Variants in SIL1 observed in about 807,000 individuals in gnomAD.
The protein encoded by SIL1 is SIL1 nucleotide exchange factor.
A neutral mutation model predicts 49.1 loss-of-function variants in SIL1; 40 were observed. The ratio of observed to expected loss-of-function variants is 0.81; its 90% CI spans 0.63 to 1.06. The LOEUF (loss-of-function observed/expected upper bound fraction) is 1.06, where lower values mean the gene tolerates loss of function less well. Among genes scored for constraint, SIL1 ranks in the 50% least tolerant of loss-of-function variants. The pLI, the probability that SIL1 is intolerant of heterozygous loss-of-function variation, is 0.00. For synonymous variants in SIL1, 253 were observed against 250.8 expected, an observed-to-expected ratio of 1.01 and a Z score of -0.08; for missense variants, 500 against 572.6, an observed-to-expected ratio of 0.87 and a Z score of 1.29.
chr5:138,985,688 G>C (rs1767635275), intron 7 of SIL1, among the ~76,000 whole-genome samples: 1 of 152,190 alleles, frequency 6.6e-6, no homozygotes, highest in African/African-American at 2.4e-5. Flanking sequence ...TCAGTTCTCT[G>C]ACTGTCGACC....
chr5:138,992,973 A>G (rs879490837), intron 7 of SIL1, among the ~76,000 whole-genome samples: 2 of 152,250 alleles, frequency 1.3e-5, no homozygotes, highest in African/African-American at 2.4e-5. Flanking sequence ...TTGTAACTGA[A>G]AGCTAGCTGA....
chr5:139,046,219 C>T (rs1234662742), intron 4 of SIL1, among the ~76,000 whole-genome samples: 5 of 152,090 alleles, frequency 3.3e-5, no homozygotes, highest in East Asian at 1.9e-4. Flanking sequence ...CCCAGCTACT[C>T]GGGAGGCTGA....
At chr5:138,960,828 C>T (rs575274516) in intron 7 of SIL1, among the ~76,000 whole-genome samples, 5 of 152,206 alleles carry the variant, frequency 3.3e-5, no homozygotes, top group Admixed American at 6.5e-5. Context: ...AAATGATTTC[C>T]TGAAACGCAG....
At chr5:139,160,143 TCACA>T (rs57028301) in intron 1 of SIL1, among the ~76,000 whole-genome samples, 6,218 of 137,772 alleles carry the variant, frequency 0.045, 273 homozygotes, top group African/African-American at 0.12. Flanking sequence ...ATTTCCACAA[TCACA>T]CACACACACA....
At chr5:139,005,525 A>G (rs1222172484) in intron 7 of SIL1, among the ~76,000 whole-genome samples, 1 of 142,180 alleles carries the variant, frequency 7.0e-6, no homozygotes, top group Non-Finnish European at 1.5e-5. Flanking sequence ...ATATGTATAC[A>G]TGTGCCATGC....
chr5:139,130,179 G>A (rs777826255), intron 1 of SIL1, among the ~76,000 whole-genome samples: 6 of 152,100 alleles, frequency 3.9e-5, no homozygotes, highest in Middle Eastern at 3.2e-3. Flanking sequence ...AGCTACTTAG[G>A]AGGCTCGGGT....
At chr5:139,005,064 T>C (rs1161373283) in intron 7 of SIL1, among the ~76,000 whole-genome samples, 1 of 152,186 alleles carries the variant, frequency 6.6e-6, no homozygotes, top group Non-Finnish European at 1.5e-5. Context: ...ATCTATCATA[T>C]AGCATGGTGA....
rs765611116 is a variant in SIL1 at position 139,169,834 on chromosome 5, CTCTCCCTCTCCCCACGG to C, written c.-11+28418_-11+28434del. Among the ~76,000 whole-genome samples the C allele has an allele frequency of 5.4e-4, 82 of 151,710 alleles. 2 individuals carry two copies. The highest frequency in any genetic ancestry group is 3.1e-3 in the East Asian group (16 of 5,148). On this transcript the variant is annotated intron_variant, in intron 1 of 9. Transcript: ENST00000394817. ...AGCTCTACTCCCTCTCCCCTCTCCCCTCTCCCTCTCCCCACGGTCTCCCTCTCCCTCTTTCCACGGTC... is the reference window on the plus strand; with the variant it reads ...AGCTCTACTCCCTCTCCCCTCTCCCCTCTCCCTCTCCCTCTTTCCACGGTC...
chr5:138,987,623 T>A (rs1326316174), intron 7 of SIL1, among the ~76,000 whole-genome samples: 2 of 152,128 alleles, frequency 1.3e-5, no homozygotes, highest in South Asian at 4.1e-4. Context: ...TATTCCTGCA[T>A]AGCCTGGCTC....
At chr5:139,054,109 C>T (rs1185119539) in intron 3 of SIL1, among the ~76,000 whole-genome samples, 1 of 152,062 alleles carries the variant, frequency 6.6e-6, no homozygotes, top group Non-Finnish European at 1.5e-5. Context: ...AATGAGATCC[C>T]ATCTCTAGAA....
intron 7 of SIL1, among the ~76,000 whole-genome samples, chr5:138,954,354 G>A (rs889125807): frequency 6.6e-6 from 1 of 152,276 alleles, no homozygotes; most frequent in African/African-American, 2.4e-5. Flanking sequence ...CTGTGACAGT[G>A]CACAGCCTTG....
At chr5:139,096,397 C>T (rs1770467834) in intron 3 of SIL1, among the ~76,000 whole-genome samples, 1 of 152,108 alleles carries the variant, frequency 6.6e-6, no homozygotes, top group Non-Finnish European at 1.5e-5. Flanking sequence ...AGTCCAAATG[C>T]TGAACTGGAA....
intron 7 of SIL1, among the ~76,000 whole-genome samples, chr5:138,982,121 C>A (rs1039902482): frequency 6.6e-6 from 1 of 152,182 alleles, no homozygotes; most frequent in African/African-American, 2.4e-5. Context: ...TCTAAATATT[C>A]TTCATGTCTT....
At chr5:139,057,491 C>T (rs1561846103) in intron 3 of SIL1, among the ~76,000 whole-genome samples, 1 of 151,868 alleles carries the variant, frequency 6.6e-6, no homozygotes, top group Non-Finnish European at 1.5e-5. Context: ...CCACCTGCCC[C>T]CTCCTGGCAG....
At chr5:138,982,917 T>C (rs1414336534) in intron 7 of SIL1, among the ~76,000 whole-genome samples, 1 of 152,030 alleles carries the variant, frequency 6.6e-6, no homozygotes, top group African/African-American at 2.4e-5. Flanking sequence ...CACCTACCAG[T>C]TGGGCGTGGT....
chr5:139,066,608 G>A (rs1405720916), intron 3 of SIL1, among the ~76,000 whole-genome samples: 1 of 152,126 alleles, frequency 6.6e-6, no homozygotes, highest in Non-Finnish European at 1.5e-5. Flanking sequence ...TTGGCTTCTT[G>A]TTAATCATTA....
chr5:139,076,006 T>C (rs1240717112), intron 3 of SIL1, among the ~76,000 whole-genome samples: 1 of 152,228 alleles, frequency 6.6e-6, no homozygotes. Flanking sequence ...CCAGAGAAGC[T>C]AGACTTCAAG....
chr5:139,010,024 G>A (rs1437088683), intron 7 of SIL1, among the ~76,000 whole-genome samples: 3 of 151,550 alleles, frequency 2.0e-5, no homozygotes, highest in Non-Finnish European at 4.4e-5. Flanking sequence ...TGCTAGATTG[G>A]GGAAGTTCTC....
At chr5:139,039,960 A>AC (rs1769002254) in intron 5 of SIL1, among the ~76,000 whole-genome samples, 1 of 152,178 alleles carries the variant, frequency 6.6e-6, no homozygotes, top group Non-Finnish European at 1.5e-5. Flanking sequence ...ACTTAAACCT[A>AC]CCAAGCTACC....
Sources: allele counts gnomAD v4.1 joint callset (sites outside exome capture counted in the v4.1 genomes callset), GRCh38; gene constraint gnomAD v4.1.1; transcripts MANE v1.5; gene names NCBI Gene and HGNC (gene_info 2026-07-23, HGNC 2026-07-21).